The following DTNA variants were observed in gnomAD, a reference collection of about 807,000 sequenced individuals.
DTNA encodes dystrobrevin alpha.
Under a neutral mutation model 100.7 loss-of-function variants are expected in DTNA, and 43 were observed. The observed-to-expected ratio is 0.43, with a 90% CI of 0.33 to 0.55. The LOEUF (loss-of-function observed/expected upper bound fraction) is 0.55. Among genes scored for constraint, DTNA ranks in the 20% least tolerant of loss-of-function variants. The pLI, the probability that DTNA is intolerant of heterozygous loss-of-function variation, is 0.04. For missense variants in DTNA, 798 were observed against 953.9 expected, an observed-to-expected ratio of 0.84 and a Z score of 2.15; for synonymous variants, 349 against 347.9, an observed-to-expected ratio of 1.00 and a Z score of -0.04.
At chr18:34,857,992 C>G (rs2096573157) in intron 15 of DTNA, among the ~76,000 whole-genome samples, 1 of 152,164 alleles carries the variant, frequency 6.6e-6, no homozygotes, top group South Asian at 2.1e-4. Flanking sequence ...CATTACATTA[C>G]TTGCTAGAGA....
chr18:34,829,766 A>G (rs555327177), intron 11 of DTNA, among the ~76,000 whole-genome samples: 55 of 152,350 alleles, frequency 3.6e-4, no homozygotes, highest in South Asian at 1.9e-3. Flanking sequence ...TTGTTTGGAC[A>G]AGTCTCTGCT....
chr18:34,621,460 A>G (rs55643816), intron 1 of DTNA, among the ~76,000 whole-genome samples: 9,892 of 152,172 alleles, frequency 0.065, 383 homozygotes, highest in Non-Finnish European at 0.074. Context: ...GAATGGATAA[A>G]TGTGGTAGAT....
intron 1 of DTNA, among the ~76,000 whole-genome samples, chr18:34,732,025 C>A (rs1389669365): frequency 6.6e-6 from 1 of 152,146 alleles, no homozygotes; most frequent in Non-Finnish European, 1.5e-5. Flanking sequence ...CTCTCACCAC[C>A]AAATCAGTCT....
At chr18:34,512,465 G>T (rs1383317394) in intron 1 of DTNA, among the ~76,000 whole-genome samples, 1 of 151,970 alleles carries the variant, frequency 6.6e-6, no homozygotes, top group Non-Finnish European at 1.5e-5. Context: ...AAAGTGAATG[G>T]CCCTCTCATC....
intron 2 of DTNA, among the ~76,000 whole-genome samples, chr18:34,764,641 T>C (rs548747084): frequency 3.3e-5 from 5 of 152,272 alleles, no homozygotes; most frequent in African/African-American, 1.2e-4. Context: ...AAGATATCGG[T>C]TTGAGTTGAA....
chr18:34,889,636 G>T lies in DTNA; in HGVS notation c.*1902G>T. 2.0e-6 allele frequency: 2 copies of T among 985,642 alleles called. No individual in the cohort carries two copies. Among genetic ancestry groups the T allele is most frequent in the Non-Finnish European group, 2.4e-6 (2 of 829,952 alleles). 61.1% of individuals were successfully genotyped at this position (985,642 alleles called of 1,614,324 possible). A position where few individuals can be genotyped will look rare whatever the true frequency, so the allele number is the denominator to read the frequency against. On this transcript the variant is annotated 3_prime_UTR_variant, in exon 23 of 23. Coordinates refer to ENST00000444659, the MANE Select transcript of DTNA (RefSeq NM_001386795.1). ...TACGATGTTCACATGTCTGCGTTTGGTCAGACATCATCTCCTTGGCTGCCC... is the reference window on the plus strand; with the variant it reads ...TACGATGTTCACATGTCTGCGTTTGTTCAGACATCATCTCCTTGGCTGCCC...
chr18:34,809,761 G>C (rs1040326883), intron 5 of DTNA, among the ~76,000 whole-genome samples: 4 of 152,260 alleles, frequency 2.6e-5, no homozygotes, highest in Non-Finnish European at 5.9e-5. Context: ...AAAAAACAAA[G>C]AGAAAGCAAC....
chr18:34,552,044 T>G (rs543878711), intron 1 of DTNA, among the ~76,000 whole-genome samples: 2 of 152,204 alleles, frequency 1.3e-5, no homozygotes, highest in African/African-American at 4.8e-5. Flanking sequence ...TGGCTCCATT[T>G]CAGCCTCTGG....
chr18:34,653,552 G>T (rs1294547543), intron 1 of DTNA, among the ~76,000 whole-genome samples: 1 of 152,112 alleles, frequency 6.6e-6, no homozygotes, highest in African/African-American at 2.4e-5. Context: ...GTCAGGTGCA[G>T]TGGCTTATGC....
At chr18:34,630,811 C>CAA (rs35759338) in intron 1 of DTNA, among the ~76,000 whole-genome samples, 1,592 of 142,850 alleles carry the variant, frequency 0.011, 28 homozygotes, top group African/African-American at 0.039. Context: ...GCCAAACTGT[C>CAA]AAAAAAAAAA....
chr18:34,868,238 A>C (rs2096728896), intron 17 of DTNA: 3 of 253,100 alleles, frequency 1.2e-5, no homozygotes. Flanking sequence ...TTCTGTTGGC[A>C]TAAAATATGA....
chr18:34,551,942 C>T (rs2045470747), intron 1 of DTNA, among the ~76,000 whole-genome samples: 1 of 151,984 alleles, frequency 6.6e-6, no homozygotes, highest in Admixed American at 6.6e-5. Context: ...CCTTATATTT[C>T]CTTGAATAAA....
At chr18:34,680,896 T>G (rs2078011786) in intron 1 of DTNA, among the ~76,000 whole-genome samples, 1 of 152,138 alleles carries the variant, frequency 6.6e-6, no homozygotes, top group Non-Finnish European at 1.5e-5. Flanking sequence ...CCTGCCTCTC[T>G]TTATTCCACA....
chr18:34,684,185 C>T (rs898637828), intron 1 of DTNA, among the ~76,000 whole-genome samples: 1 of 152,080 alleles, frequency 6.6e-6, no homozygotes, highest in Non-Finnish European at 1.5e-5. Context: ...TTCTGGGATA[C>T]ATATGCAGAA....
rs531508307 is a variant in DTNA, at chr18:34,669,937, G to A, written c.-1-86039G>A. Among the ~76,000 whole-genome samples the A allele has an allele frequency of 2.2e-4, 34 of 152,258 alleles. No individual in the cohort carries two copies. In the South Asian group the frequency reaches 6.2e-3, roughly 28 times the overall value. On this transcript the variant is annotated intron_variant, in intron 1 of 19. Transcript: ENST00000283365. ...TGCTCTTCTTGAGGAGTATCTTTGTGGCATTCTCTGTATTTCCTGAATTTG... is the reference window on the plus strand; with the variant it reads ...TGCTCTTCTTGAGGAGTATCTTTGTAGCATTCTCTGTATTTCCTGAATTTG...
intron 1 of DTNA, among the ~76,000 whole-genome samples, chr18:34,686,470 T>G (rs547396788): frequency 3.1e-4 from 47 of 152,364 alleles, no homozygotes; most frequent in Admixed American, 1.0e-3. Flanking sequence ...GAACCAGCCT[T>G]GCATCCCAGG....
chr18:34,749,233 C>T (rs938611640), intron 1 of DTNA, among the ~76,000 whole-genome samples: 6 of 151,862 alleles, frequency 4.0e-5, no homozygotes, highest in African/African-American at 1.5e-4. Flanking sequence ...GTCTTTAGGG[C>T]CTCCTAGGTG....
intron 1 of DTNA, among the ~76,000 whole-genome samples, chr18:34,597,859 C>T (rs2050964060): frequency 6.7e-6 from 1 of 150,168 alleles, no homozygotes; most frequent in Non-Finnish European, 1.5e-5. Context: ...GTCACCTTCA[C>T]TGTACTTTCT....
At chr18:34,632,174 C>A (rs2058156140) in intron 1 of DTNA, among the ~76,000 whole-genome samples, 1 of 152,012 alleles carries the variant, frequency 6.6e-6, no homozygotes, top group Non-Finnish European at 1.5e-5. Context: ...TTATAAATCC[C>A]TTGGCACCAG....
Sources: allele counts gnomAD v4.1 joint callset (sites outside exome capture counted in the v4.1 genomes callset), GRCh38; gene constraint gnomAD v4.1.1; transcripts MANE v1.5; gene names NCBI Gene and HGNC (gene_info 2026-07-23, HGNC 2026-07-21).